The following TMCO4 variants were observed in gnomAD, a reference collection of about 807,000 sequenced individuals.
The protein encoded by TMCO4 is transmembrane and coiled-coil domain-containing protein 4.
A neutral mutation model predicts 64.7 loss-of-function variants in TMCO4; 58 were observed. The ratio of observed to expected loss-of-function variants is 0.90; its 90% CI spans 0.73 to 1.12. TMCO4 has a LOEUF of 1.12. Ranked by LOEUF, TMCO4 falls within the 50% of genes most tolerant of loss-of-function variation. The pLI is 0.00. For missense variants in TMCO4, 780 were observed against 825.9 expected (o/e 0.94, Z 0.68); for synonymous variants, 325 against 346.1 (o/e 0.94, Z 0.68).
At chr1:19,702,004 C>G (rs2095275443) in intron 13 of TMCO4, among the ~76,000 whole-genome samples, 1 of 152,070 alleles carries the variant, frequency 6.6e-6, no homozygotes, top group Non-Finnish European at 1.5e-5. Flanking sequence ...GAGTCTCGCT[C>G]TGTAGCCCAG....
intron 9 of TMCO4, among the ~76,000 whole-genome samples, 153 bp downstream of exon 9, chr1:19,746,303 G>C (rs1421591827): frequency 2.0e-5 from 3 of 152,196 alleles, no homozygotes; most frequent in East Asian, 3.8e-4. Flanking sequence ...ACCCACGCGA[G>C]CTCTGGGAAG....
chr1:19,771,630 A>C, intron 4 of TMCO4, 148 bp from the exon 5 acceptor site: 1 of 764,698 alleles, frequency 1.3e-6, no homozygotes, highest in Non-Finnish European at 2.0e-6. Flanking sequence ...GCAGTCAAAG[A>C]CCTCATCTTG....
In TMCO4 at chr1:19,690,683, A is replaced by G. The variant is rs537564814; in HGVS notation, c.1500+3751T>C. Among the ~76,000 whole-genome samples the G allele has an allele frequency of 1.6e-4, 25 of 152,284 alleles. 1 individual carries two copies. The South Asian group carries it at 5.0e-3, about 30-fold the overall frequency. ...CTGGTCTTGTGACTCAGCTTACCTC[A>G]TTCCCACAGAGAAGTGGGCAGCACA... is the stretch of plus-strand genomic sequence containing the variant. On this transcript the variant is annotated intron_variant, in intron 15 of 15. Transcript: ENST00000294543.
At chr1:19,786,943 G>A (rs1277031189) in intron 3 of TMCO4, 83 bp downstream of exon 3, 1 of 152,178 alleles carries the variant, frequency 6.6e-6, no homozygotes, top group African/African-American at 2.4e-5. Context: ...TAGAGAGGGA[G>A]ACAGAAAATG....
intron 6 of TMCO4, among the ~76,000 whole-genome samples, chr1:19,756,271 T>C (rs1027364038): frequency 6.6e-6 from 1 of 152,030 alleles, no homozygotes; most frequent in African/African-American, 2.4e-5. Flanking sequence ...AGGAAGGTGG[T>C]ATTTCTCACC....
chr1:19,759,089 G>C (rs935134962), intron 6 of TMCO4, among the ~76,000 whole-genome samples: 3 of 126,964 alleles, frequency 2.4e-5, no homozygotes, highest in African/African-American at 9.1e-5. Flanking sequence ...GCAACAGAGA[G>C]AGACTCGGTC....
intron 13 of TMCO4, among the ~76,000 whole-genome samples, chr1:19,713,625 G>C (rs901609032): frequency 6.6e-6 from 1 of 152,090 alleles, no homozygotes; most frequent in Non-Finnish European, 1.5e-5. Context: ...CTTGAGCCCA[G>C]GAGTTCAAGG....
intron 10 of TMCO4, among the ~76,000 whole-genome samples, chr1:19,741,313 A>G (rs972620921): frequency 6.6e-6 from 1 of 152,220 alleles, no homozygotes; most frequent in Non-Finnish European, 1.5e-5. Flanking sequence ...ATTTTCTCTA[A>G]TGCTGAAATA....
chr1:19,710,870 C>G (rs911847511), intron 13 of TMCO4, among the ~76,000 whole-genome samples: 1 of 152,188 alleles, frequency 6.6e-6, no homozygotes, highest in African/African-American at 2.4e-5. Context: ...TAGACCCGGC[C>G]AAGAGCATGT....
At chr1:19,708,316 A>G (rs968084308) in intron 13 of TMCO4, among the ~76,000 whole-genome samples, 3 of 151,922 alleles carry the variant, frequency 2.0e-5, no homozygotes, top group Non-Finnish European at 4.4e-5. Context: ...AGCAGCTCAC[A>G]CTGGACTCCT....
At chr1:19,717,948 A>G (rs2095364116) in intron 13 of TMCO4, among the ~76,000 whole-genome samples, 1 of 152,210 alleles carries the variant, frequency 6.6e-6, no homozygotes, top group African/African-American at 2.4e-5. Context: ...TTAGACATAC[A>G]TGAATTAGAA....
chr1:19,763,682 C>G (rs1274306071), intron 6 of TMCO4, among the ~76,000 whole-genome samples: 1 of 152,208 alleles, frequency 6.6e-6, no homozygotes, highest in Non-Finnish European at 1.5e-5. Context: ...CACCCACCAC[C>G]CTACTATCCC....
chr1:19,725,781 G>A (rs2095406171), intron 13 of TMCO4, among the ~76,000 whole-genome samples: 1 of 152,222 alleles, frequency 6.6e-6, no homozygotes, highest in African/African-American at 2.4e-5. Context: ...TTTTGAGTGG[G>A]CAGAGTCGTT....
At chr1:19,793,548 C>G (rs1330339505) in intron 2 of TMCO4, among the ~76,000 whole-genome samples, 1 of 152,200 alleles carries the variant, frequency 6.6e-6, no homozygotes, top group Non-Finnish European at 1.5e-5. Context: ...ACATCTCTAT[C>G]TGAAGTCATA....
At chr1:19,746,039 A>C (rs2100878671) in intron 9 of TMCO4, among the ~76,000 whole-genome samples, 1 of 152,256 alleles carries the variant, frequency 6.6e-6, no homozygotes, top group East Asian at 1.9e-4. Context: ...TCTCTTGGGG[A>C]GTTGAACAGG....
chr1:19,685,882 T>A (rs1269109300), intron 15 of TMCO4, among the ~76,000 whole-genome samples: 5 of 152,040 alleles, frequency 3.3e-5, no homozygotes, highest in Non-Finnish European at 7.4e-5. Flanking sequence ...CCCGCTACCA[T>A]GCCCGGCTAA....
intron 15 of TMCO4, among the ~76,000 whole-genome samples, chr1:19,686,811 G>T (rs2095152819): frequency 6.6e-6 from 1 of 152,224 alleles, no homozygotes; most frequent in Non-Finnish European, 1.5e-5. Context: ...CTGAACCACA[G>T]CTTCCCCATC....
At chr1:19,726,468 A>C (rs926606599) in intron 13 of TMCO4, among the ~76,000 whole-genome samples, 8 of 152,062 alleles carry the variant, frequency 5.3e-5, no homozygotes, top group South Asian at 2.1e-4. Flanking sequence ...TGTCTTAAAA[A>C]AAAAAAAACA....
chr1:19,795,553 A>T (rs2044266293), intron 2 of TMCO4, among the ~76,000 whole-genome samples: 1 of 152,238 alleles, frequency 6.6e-6, no homozygotes, highest in African/African-American at 2.4e-5. Context: ...AATGCTTGGC[A>T]AATGTTAGCC....
Sources: allele counts gnomAD v4.1 joint callset (sites outside exome capture counted in the v4.1 genomes callset), GRCh38; gene constraint gnomAD v4.1.1; transcripts MANE v1.5; gene names NCBI Gene and HGNC (gene_info 2026-07-23, HGNC 2026-07-21).